SHLD2: variants seen among roughly 807,000 people sequenced by gnomAD.
SHLD2 encodes RINN1-REV7-interacting novel NHEJ regulator 2.
In SHLD2, 30 loss-of-function variants were observed where a neutral mutation model predicts 73.2. The observed-to-expected ratio is 0.41, with a 90% confidence interval of 0.31 to 0.56. SHLD2 has a LOEUF of 0.56. SHLD2 is among the 20% of genes least tolerant of loss of function. SHLD2 has a pLI of 0.28. For synonymous variants in SHLD2, 285 were observed against 370.1 expected, an observed-to-expected ratio of 0.77 and a Z score of 2.64; for missense variants, 745 against 1,055.9, an observed-to-expected ratio of 0.71 and a Z score of 4.08.
At chr10:87,129,521 T>C (rs1844275975) in intron 2 of SHLD2, among the ~76,000 whole-genome samples, 1 of 152,246 alleles carries the variant, frequency 6.6e-6, no homozygotes, top group South Asian at 2.1e-4. Context: ...TGAATTATCT[T>C]GACTGGACCT....
chr10:87,149,067 T>A lies in SHLD2; in HGVS notation c.-5-2283T>A, dbSNP rs563811576. ...CATGCCCTGGTAATTTTTGTGTTTTTAGTAGAGATGAAGTTTCGCCATGTT... is the reference window on the plus strand; with the variant it reads ...CATGCCCTGGTAATTTTTGTGTTTTAAGTAGAGATGAAGTTTCGCCATGTT... On this transcript the variant is annotated intron_variant, in intron 2 of 9. Transcript: ENST00000298786. 3.3e-5 allele frequency among the ~76,000 whole-genome samples: 5 copies of A among 151,568 alleles called. No homozygotes were observed. The East Asian group carries it at 9.8e-4, about 30-fold the overall frequency.
At chr10:87,161,015 T>G (rs1346998851) in intron 4 of SHLD2, among the ~76,000 whole-genome samples, 1 of 151,500 alleles carries the variant, frequency 6.6e-6, no homozygotes, top group African/African-American at 2.4e-5. Flanking sequence ...GAAGAGGCAT[T>G]TGAATGGATA....
rs774103889 is a variant in SHLD2 at position 87,151,364 on chromosome 10, G to A, written c.10G>A (p.Gly4Arg). 16 of 1,544,812 alleles carry A rather than the reference G, an allele frequency of 1.0e-5. No homozygotes were observed. The South Asian group carries it at 2.0e-4, about 19-fold the overall frequency. Residue 4 changes from glycine (G) to arginine (R), a missense_variant, in exon 3 of 10, where the codon GGA (glycine) becomes AGA (arginine). Physicochemically the swap from Gly to Arg is moderately radical, Grantham distance 125 (BLOSUM62 -2). This residue lies in a region of SHLD2 where 280 missense variants were observed against 353.9 expected (regional missense o/e 0.79). Coordinates refer to ENST00000298786, the MANE Select transcript of SHLD2 (RefSeq NM_001330112.2). ...ATTTTTATCAGAAATCATGAGTGGAGGATCTCAAGTCCACATTTTTTGGGG... is the reference window on the plus strand; with the variant it reads ...ATTTTTATCAGAAATCATGAGTGGAAGATCTCAAGTCCACATTTTTTGGGG... MSGGSQVHIFWGAP... is the reference protein window; with the variant it reads MSGRSQVHIFWGAP...
chr10:87,146,653 T>G (rs1369706836), intron 2 of SHLD2, among the ~76,000 whole-genome samples: 1 of 151,978 alleles, frequency 6.6e-6, no homozygotes, highest in East Asian at 1.9e-4. Flanking sequence ...ATTTTATGTG[T>G]GGCCCAAGAC....
intron 2 of SHLD2, among the ~76,000 whole-genome samples, chr10:87,130,602 C>G (rs1049751280): frequency 1.3e-5 from 2 of 152,042 alleles, no homozygotes; most frequent in Non-Finnish European, 2.9e-5. Flanking sequence ...ATTTAGTGCT[C>G]CCTTCACACC....
chr10:87,155,201 C>T (rs1312099606), intron 3 of SHLD2, among the ~76,000 whole-genome samples: 1 of 152,210 alleles, frequency 6.6e-6, no homozygotes, highest in Non-Finnish European at 1.5e-5. Context: ...TCCCAAAGTG[C>T]TGGGATTACA....
chr10:87,144,542 C>T (rs1845435628), intron 2 of SHLD2, among the ~76,000 whole-genome samples: 2 of 151,060 alleles, frequency 1.3e-5, no homozygotes, highest in South Asian at 4.2e-4. Flanking sequence ...CATCTTATAT[C>T]CTTTCATAAG....
intron 8 of SHLD2, among the ~76,000 whole-genome samples, chr10:87,181,191 G>T (rs191928669): frequency 0.058 from 8,244 of 143,104 alleles, 469 homozygotes; most frequent in African/African-American, 0.16. Context: ...GACCAGCCTG[G>T]GAAACATAGG....
In SHLD2 at chr10:87,190,502, C is replaced by T. The variant is rs147121058; in HGVS notation, c.2534C>T (p.Thr845Ile). 7.4e-6 allele frequency: 12 copies of T among 1,611,854 alleles called. No individual in the cohort carries two copies. In the African/African-American group the frequency reaches 1.6e-4, roughly 22 times the overall value. The part of the protein sequence containing the change: ...NRVIVPSSEI[T>I]YGMVVADLFH... ...TTTGCAGTTCCTTCCTCAGAGATCA[C>T]CTATGGGATGGTCGTGGCAGACCTG... is the stretch of plus-strand genomic sequence containing the variant. Residue 845 changes from threonine (T) to isoleucine (I), a missense_variant, in exon 10 of 10, where the codon ACC (threonine) becomes ATC (isoleucine). Around this residue, in one of 5 missense-constraint regions of SHLD2, gnomAD observed 418 missense variants for 567.8 expected, o/e 0.74. Transcript: ENST00000298786.
chr10:87,098,889 C>T (rs988396262), intron 2 of SHLD2, among the ~76,000 whole-genome samples: 25 of 152,166 alleles, frequency 1.6e-4, no homozygotes, highest in Admixed American at 1.2e-3. Flanking sequence ...AATCCTCCCA[C>T]CTCAGCCTCC....
intron 2 of SHLD2, among the ~76,000 whole-genome samples, chr10:87,142,401 T>C (rs1589540612): frequency 1.3e-5 from 2 of 152,228 alleles, no homozygotes; most frequent in African/African-American, 2.4e-5. Flanking sequence ...TAAGAACTTA[T>C]GTTTTGCTGT....
chr10:87,135,384 G>A (rs1457180256), intron 2 of SHLD2, among the ~76,000 whole-genome samples: 3 of 152,052 alleles, frequency 2.0e-5, no homozygotes, highest in African/African-American at 7.2e-5. Context: ...GAGGAGTATT[G>A]TTCAGGTATT....
intron 2 of SHLD2, among the ~76,000 whole-genome samples, chr10:87,110,414 C>G (rs542639958): frequency 6.6e-6 from 1 of 152,232 alleles, no homozygotes; most frequent in South Asian, 2.1e-4. Context: ...TCGAGATCAG[C>G]CTAGCCAACA....
At chr10:87,105,357 T>C (rs1842530116) in intron 2 of SHLD2, among the ~76,000 whole-genome samples, 1 of 152,154 alleles carries the variant, frequency 6.6e-6, no homozygotes, top group African/African-American at 2.4e-5. Context: ...AGAAACAGAC[T>C]TTAGGTGAAG....
intron 2 of SHLD2, among the ~76,000 whole-genome samples, chr10:87,125,666 G>A (rs1423364521): frequency 2.0e-5 from 3 of 152,154 alleles, no homozygotes; most frequent in Non-Finnish European, 4.4e-5. Context: ...GAACCCAAGA[G>A]GTGGAGGTTG....
intron 8 of SHLD2, among the ~76,000 whole-genome samples, chr10:87,184,815 G>C (rs1482901037): frequency 6.6e-6 from 1 of 152,168 alleles, no homozygotes; most frequent in Non-Finnish European, 1.5e-5. Flanking sequence ...CTTTATCAGA[G>C]AGGCCTTTCC....
chr10:87,136,740 T>C (rs934647362), intron 2 of SHLD2, among the ~76,000 whole-genome samples: 2 of 152,006 alleles, frequency 1.3e-5, no homozygotes, highest in Admixed American at 6.6e-5. Context: ...ACCCATTTAC[T>C]TAATCATTCT....
chr10:87,117,794 CAAAA>C (rs939479741), intron 2 of SHLD2, among the ~76,000 whole-genome samples: 19 of 152,174 alleles, frequency 1.2e-4, no homozygotes, highest in African/African-American at 4.1e-4. Context: ...AACCCTGTCT[CAAAA>C]AACCCCAAAA....
chr10:87,104,620 A>T (rs1842482840), intron 2 of SHLD2, among the ~76,000 whole-genome samples: 1 of 152,118 alleles, frequency 6.6e-6, no homozygotes, highest in Admixed American at 6.6e-5. Flanking sequence ...GAAAATAAAA[A>T]TTTAAAAAAT....
Sources: allele counts gnomAD v4.1 joint callset (sites outside exome capture counted in the v4.1 genomes callset), GRCh38; gene constraint gnomAD v4.1.1; regional missense constraint gnomAD v4.1.1; transcripts MANE v1.5; gene names NCBI Gene and HGNC (gene_info 2026-07-23, HGNC 2026-07-21).